The following GALNT18 variants were observed in gnomAD, a reference collection of about 807,000 sequenced individuals.
The protein encoded by GALNT18 is GalNAc-transferase 18.
A neutral mutation model predicts 69.5 loss-of-function variants in GALNT18; 44 were observed. That is an observed-to-expected ratio of 0.63 (90% CI 0.50 to 0.81). The LOEUF (loss-of-function observed/expected upper bound fraction) is 0.81, where lower values mean the gene tolerates loss of function less well. Ranked by LOEUF, GALNT18 falls within the 40% of genes least tolerant of loss-of-function variation. The probability of loss-of-function intolerance (pLI) is 0.00; values close to 1 mark genes in which losing one functional copy is unlikely to be tolerated. For synonymous variants in GALNT18, 364 were observed against 318.2 expected, an observed-to-expected ratio of 1.14 and a Z score of -1.53; for missense variants, 715 against 810.0, an observed-to-expected ratio of 0.88 and a Z score of 1.42.
intron 1 of GALNT18, among the ~76,000 whole-genome samples, chr11:11,567,669 T>C (rs539526682): frequency 3.9e-5 from 6 of 152,248 alleles, no homozygotes; most frequent in African/African-American, 1.4e-4. Flanking sequence ...CTCAGGTGCA[T>C]ATCCTCTTAT....
intron 10 of GALNT18, among the ~76,000 whole-genome samples, chr11:11,288,692 C>T (rs1227139223): frequency 6.6e-6 from 1 of 152,172 alleles, no homozygotes; most frequent in Non-Finnish European, 1.5e-5. Flanking sequence ...ATGTTTTCAT[C>T]AAATGTGGTT....
intron 9 of GALNT18, among the ~76,000 whole-genome samples, chr11:11,312,665 T>C (rs973479371): frequency 4.6e-5 from 7 of 152,200 alleles, no homozygotes; most frequent in African/African-American, 1.7e-4. Flanking sequence ...GTAAGGTAGA[T>C]GGCCTTAACC....
intron 5 of GALNT18, among the ~76,000 whole-genome samples, chr11:11,373,742 T>A (rs1448716113): frequency 6.6e-6 from 1 of 152,216 alleles, no homozygotes; most frequent in South Asian, 2.1e-4. Context: ...CAGAGAATGA[T>A]TCACATGAGG....
At chr11:11,297,621 C>T (rs1201305479) in intron 9 of GALNT18, among the ~76,000 whole-genome samples, 5 of 152,148 alleles carry the variant, frequency 3.3e-5, no homozygotes, top group African/African-American at 1.2e-4. Flanking sequence ...TAAGACAGTA[C>T]CAGAGAGCTG....
In GALNT18 at chr11:11,432,548, C is replaced by G; in HGVS notation, c.595+73G>C. 6.9e-7 allele frequency: 1 copy of G among 1,458,768 alleles called. No homozygotes were observed. The highest frequency in any genetic ancestry group is 1.3e-5 in the South Asian group (1 of 78,384). 90.4% of individuals were successfully genotyped at this position (1,458,768 alleles called of 1,614,324 possible). A position where few individuals can be genotyped will look rare whatever the true frequency, so the allele number is the denominator to read the frequency against. On this transcript the variant is annotated intron_variant, in intron 3 of 10. Coordinates refer to ENST00000227756, the MANE Select transcript of GALNT18 (RefSeq NM_198516.3). The surrounding 1 kb of genome is among the most constrained non-coding windows in gnomAD (Gnocchi z 5.8). ...CAGACAGCCTTGAGCAAATGTGAAC[C>G]ACGACGCTGAACCATCAGCTTAGAT...
rs965142840 is a variant in GALNT18, at chr11:11,614,399, G to A, written c.235+6960C>T. Among the ~76,000 whole-genome samples, 1 of 151,754 alleles carries A rather than the reference G, an allele frequency of 6.6e-6. No homozygotes were observed. The highest frequency in any genetic ancestry group is 1.5e-5 in the Non-Finnish European group (1 of 67,988). ...GGAGGAGGAGGAGGAGGAGGAGGGA[G>A]GAGGAGCAGCAAGGCTCTTTAAACA... On this transcript the variant is annotated intron_variant, in intron 1 of 10. Coordinates refer to ENST00000227756, the MANE Select transcript of GALNT18 (RefSeq NM_198516.3). This position sits in a 1 kb window ranked among gnomAD's most constrained non-coding sequence, Gnocchi z 5.6.
At chr11:11,513,798 TA>T (rs1465903314) in intron 1 of GALNT18, among the ~76,000 whole-genome samples, 7 of 152,246 alleles carry the variant, frequency 4.6e-5, no homozygotes, top group Non-Finnish European at 5.9e-5. Context: ...TTTATTTATT[TA>T]TTTTTTTTGT....
rs536950099 is a variant in GALNT18, at chr11:11,435,926, C to T, written c.429-3139G>A. On this transcript the variant is annotated intron_variant, in intron 2 of 10. Transcript: ENST00000227756. The surrounding 1 kb of genome is among the most constrained non-coding windows in gnomAD (Gnocchi z 4.4). ...AATCCCTTCAGGCCAAACGCCCTGA[C>T]CTCCTTAAATCCTTCTTTTCTCTTC... is the stretch of plus-strand genomic sequence containing the variant. Among the ~76,000 whole-genome samples, 152 of 152,340 alleles carry T rather than the reference C, an allele frequency of 1.0e-3. No individual in the cohort carries two copies. The highest frequency in any genetic ancestry group is 1.8e-3 in the Non-Finnish European group (120 of 68,026).
intron 5 of GALNT18, among the ~76,000 whole-genome samples, chr11:11,373,038 TGGTCTACTTA>T (rs1292861224): frequency 4.6e-5 from 7 of 152,312 alleles, no homozygotes; most frequent in Admixed American, 1.3e-4. Flanking sequence ...ATGTCATCCT[TGGTCTACTTA>T]GAAAGATTAG....
chr11:11,364,703 T>C (rs545353804), intron 6 of GALNT18, among the ~76,000 whole-genome samples: 50 of 152,354 alleles, frequency 3.3e-4, no homozygotes, highest in African/African-American at 1.1e-3. Flanking sequence ...CTAGAATATT[T>C]GACAGTATTA....
chr11:11,417,829 C>T (rs1328112644), intron 3 of GALNT18, among the ~76,000 whole-genome samples: 3 of 152,212 alleles, frequency 2.0e-5, no homozygotes, highest in Non-Finnish European at 4.4e-5. Context: ...AGCTGTGTAA[C>T]CTGCAGCTTC....
chr11:11,324,442 A>G (rs1457837689), intron 9 of GALNT18, among the ~76,000 whole-genome samples: 1 of 152,206 alleles, frequency 6.6e-6, no homozygotes, highest in Non-Finnish European at 1.5e-5. Context: ...ATTATAGTAT[A>G]TTTGTAAAAT....
rs1160649440 is a variant in GALNT18 at position 11,387,799 on chromosome 11, C to T, written c.596-8535G>A. Among the ~76,000 whole-genome samples, 6 of 152,184 alleles carry T rather than the reference C, an allele frequency of 3.9e-5. No individual in the cohort carries two copies. Among genetic ancestry groups the T allele is most frequent in the Non-Finnish European group, 7.3e-5 (5 of 68,030 alleles). The stretch of plus-strand genomic sequence containing the variant: ...GTGGGGGCTCAGGACTCAGATGGTC[C>T]TGCTGATGAATGATGGTGAGCCTGG... On this transcript the variant is annotated intron_variant, in intron 3 of 10. Coordinates refer to ENST00000227756, the MANE Select transcript of GALNT18 (RefSeq NM_198516.3). The surrounding 1 kb of genome is among the most constrained non-coding windows in gnomAD (Gnocchi z 4.6).
intron 10 of GALNT18, among the ~76,000 whole-genome samples, chr11:11,283,930 G>T (rs905986742): frequency 1.3e-5 from 2 of 152,098 alleles, no homozygotes. Context: ...CTAGAGCCAG[G>T]TTCCCTTCTC....
rs561924848 is a variant in GALNT18, at chr11:11,497,223, C to T, written c.236-48287G>A. Among the ~76,000 whole-genome samples the T allele has an allele frequency of 4.7e-4, 72 of 151,892 alleles. No homozygotes were observed. The highest frequency in any genetic ancestry group is 1.7e-3 in the African/African-American group (70 of 41,428). On this transcript the variant is annotated intron_variant, in intron 1 of 10. Coordinates refer to ENST00000227756, the MANE Select transcript of GALNT18 (RefSeq NM_198516.3). The surrounding 1 kb of genome is among the most constrained non-coding windows in gnomAD (Gnocchi z 4.2). ...GCCAACATCAGCACCCTCAACTGAC[C>T]CTTGTCAGTCCCTCTACCAAAGCCT... is the stretch of plus-strand genomic sequence containing the variant.
chr11:11,423,100 A>C (rs1855048252), intron 3 of GALNT18, among the ~76,000 whole-genome samples: 1 of 152,174 alleles, frequency 6.6e-6, no homozygotes, highest in Non-Finnish European at 1.5e-5. Context: ...ATCCACCCAC[A>C]AGCACACTCA....
intron 1 of GALNT18, among the ~76,000 whole-genome samples, chr11:11,455,423 G>A (rs1855903640): frequency 1.3e-5 from 2 of 152,156 alleles, no homozygotes; most frequent in Non-Finnish European, 2.9e-5. Flanking sequence ...AGGGGAAATG[G>A]GGCAGAGGGA....
At chr11:11,279,116 A>T (rs1255076937) in intron 10 of GALNT18, among the ~76,000 whole-genome samples, 1 of 152,098 alleles carries the variant, frequency 6.6e-6, no homozygotes, top group Non-Finnish European at 1.5e-5. Context: ...AGTCTACACG[A>T]GAGCTGGTCA....
intron 1 of GALNT18, among the ~76,000 whole-genome samples, chr11:11,612,443 T>G (rs1859930891): frequency 6.6e-6 from 1 of 152,242 alleles, no homozygotes; most frequent in Admixed American, 6.5e-5. Flanking sequence ...AAATCTCTCC[T>G]TAGCTTTCTA....
Sources: gnomAD v4.1 joint callset for allele counts (sites outside exome capture counted in the v4.1 genomes callset) on GRCh38, gnomAD v4.1.1 for gene constraint, Gnocchi (gnomAD v3.1) non-coding constraint, MANE v1.5 for transcripts, NCBI Gene and HGNC (gene_info 2026-07-23, HGNC 2026-07-21) for gene names.